Variants in KIRREL3 observed in about 807,000 individuals in gnomAD.
KIRREL3 encodes kirre like nephrin family adhesion molecule 3, also known as kin of IRRE-like protein 3.
A neutral mutation model predicts 89.7 loss-of-function variants in KIRREL3; 36 were observed. The ratio of observed to expected loss-of-function variants is 0.40; its 90% CI spans 0.31 to 0.53. The LOEUF is 0.53. KIRREL3 is among the 20% of genes least tolerant of loss of function. The pLI is 0.49. For synonymous variants in KIRREL3, 445 were observed against 441.4 expected (o/e 1.01, Z -0.10); for missense variants, 864 against 1,056.6 (o/e 0.82, Z 2.53).
chr11:126,655,166 G>T lies in KIRREL3; in HGVS notation c.56-92254C>A, dbSNP rs748317730. 6.6e-6 allele frequency among the ~76,000 whole-genome samples: 1 copy of T among 152,238 alleles called. No homozygotes were observed. Among genetic ancestry groups the T allele is most frequent in the Non-Finnish European group, 1.5e-5 (1 of 68,040 alleles). On this transcript the variant is annotated intron_variant, in intron 1 of 16. Transcript: ENST00000525144. This position sits in a 1 kb window ranked among gnomAD's most constrained non-coding sequence, Gnocchi z 5.0. ...TTGTGAGATGGAGAAGAAAGTGCAG[G>T]GTTGGGGTACGGGGAAAGGGGTAAG...
chr11:126,988,284 C>A (rs559202993), intron 1 of KIRREL3, among the ~76,000 whole-genome samples: 1 of 152,176 alleles, frequency 6.6e-6, no homozygotes, highest in South Asian at 2.1e-4. Context: ...GTTGTGGAGG[C>A]AGAGAGCAGT....
chr11:126,827,313 G>A (rs1943451443), intron 1 of KIRREL3, among the ~76,000 whole-genome samples: 1 of 151,926 alleles, frequency 6.6e-6, no homozygotes, highest in Admixed American at 6.6e-5. Flanking sequence ...GAGTAGCTGG[G>A]GCTACAGGTG....
At chr11:126,483,161 A>G (rs1957267148) in intron 4 of KIRREL3, among the ~76,000 whole-genome samples, 1 of 152,228 alleles carries the variant, frequency 6.6e-6, no homozygotes, top group African/African-American at 2.4e-5. Context: ...AGGAACTCAA[A>G]GAGGAATGCA....
At chr11:126,925,131 T>C (rs1334107708) in intron 1 of KIRREL3, among the ~76,000 whole-genome samples, 5 of 144,478 alleles carry the variant, frequency 3.5e-5, no homozygotes, top group African/African-American at 1.3e-4. Context: ...CACAGGATTG[T>C]GCAAAGCCCT....
rs1591764146 is a variant in KIRREL3, at chr11:126,575,855, C to T, written c.56-12943G>A. On this transcript the variant is annotated intron_variant, in intron 1 of 16. Coordinates refer to ENST00000525144, the MANE Select transcript of KIRREL3 (RefSeq NM_032531.4). The surrounding 1 kb of genome is among the most constrained non-coding windows in gnomAD (Gnocchi z 7.0). Reference sequence around the variant, plus strand: ...CCTCTGTGTGTGGCCTTCTCCACCCCTACCCTTGCAGATGGGCATCCCCTC... The same window carrying T: ...CCTCTGTGTGTGGCCTTCTCCACCCTTACCCTTGCAGATGGGCATCCCCTC... Among the ~76,000 whole-genome samples, 1 of 152,316 alleles carries T rather than the reference C, an allele frequency of 6.6e-6. No individual in the cohort carries two copies. Among genetic ancestry groups the T allele is most frequent in the Non-Finnish European group, 1.5e-5 (1 of 68,028 alleles).
intron 1 of KIRREL3, among the ~76,000 whole-genome samples, chr11:126,895,470 G>T (rs1592301902): frequency 6.9e-6 from 1 of 145,172 alleles, no homozygotes; most frequent in African/African-American, 2.5e-5. Context: ...AAAAAAAAAA[G>T]GAAAAAAGAA....
At chr11:126,722,081 C>G (rs1247675170) in intron 1 of KIRREL3, among the ~76,000 whole-genome samples, 2 of 152,242 alleles carry the variant, frequency 1.3e-5, no homozygotes, top group African/African-American at 4.8e-5. Context: ...TGTCTTCTGT[C>G]TGTAACTCTA....
At chr11:126,549,026 G>A (rs933711784) in intron 2 of KIRREL3, among the ~76,000 whole-genome samples, 1 of 152,176 alleles carries the variant, frequency 6.6e-6, no homozygotes, top group Non-Finnish European at 1.5e-5. Flanking sequence ...GTTGTGTTTT[G>A]AGATCCTTTT....
At chr11:126,784,104 AC>A (rs1399766595) in intron 1 of KIRREL3, among the ~76,000 whole-genome samples, 5 of 152,248 alleles carry the variant, frequency 3.3e-5, no homozygotes, top group African/African-American at 1.2e-4. Context: ...AGAAGCCGTC[AC>A]AGCCACGTGG....
In KIRREL3 at chr11:126,513,801, AG is replaced by A. The variant is rs1199771615; in HGVS notation, c.433+7513del. Among the ~76,000 whole-genome samples, 1 of 152,194 alleles carries A rather than the reference AG, an allele frequency of 6.6e-6. No homozygotes were observed. The highest frequency in any genetic ancestry group is 2.4e-5 in the African/African-American group (1 of 41,438). On this transcript the variant is annotated intron_variant, in intron 4 of 16. Transcript: ENST00000525144. The surrounding 1 kb of genome is among the most constrained non-coding windows in gnomAD (Gnocchi z 5.9). Reference sequence around the variant, plus strand: ...TCAACTCAATGGCTGCAAGACCTCCAGGGAGACCTTCTATCTCATCTGGCCC... The same window carrying A: ...TCAACTCAATGGCTGCAAGACCTCCAGGAGACCTTCTATCTCATCTGGCCC...
At position 126,486,385 on chromosome 11, in the gene KIRREL3, C is replaced by G. The variant is rs1465730724; in HGVS notation, c.434-12919G>C. 1.3e-5 allele frequency among the ~76,000 whole-genome samples: 2 copies of G among 152,126 alleles called. No homozygotes were observed. Among genetic ancestry groups the G allele is most frequent in the African/African-American group, 4.8e-5 (2 of 41,418 alleles). On this transcript the variant is annotated intron_variant, in intron 4 of 16. Coordinates refer to ENST00000525144, the MANE Select transcript of KIRREL3 (RefSeq NM_032531.4). This position sits in a 1 kb window ranked among gnomAD's most constrained non-coding sequence, Gnocchi z 6.2. ...TGCTGGGTGGCTTACACTCACCCTCCCAGTCCTGCGGAGCGAGAGACTTTC... is the reference window on the plus strand; with the variant it reads ...TGCTGGGTGGCTTACACTCACCCTCGCAGTCCTGCGGAGCGAGAGACTTTC...
At chr11:126,658,005 C>A (rs970585960) in intron 1 of KIRREL3, among the ~76,000 whole-genome samples, 1 of 152,186 alleles carries the variant, frequency 6.6e-6, no homozygotes, top group African/African-American at 2.4e-5. Context: ...ATTGCCAAAG[C>A]CTGGGGCTGC....
At chr11:126,665,378 G>A (rs376363590) in intron 1 of KIRREL3, among the ~76,000 whole-genome samples, 1 of 152,154 alleles carries the variant, frequency 6.6e-6, no homozygotes, top group African/African-American at 2.4e-5. Flanking sequence ...TGTGTTTCAG[G>A]AGGCATTTTA....
At chr11:126,956,435 T>C (rs902404382) in intron 1 of KIRREL3, among the ~76,000 whole-genome samples, 3 of 152,182 alleles carry the variant, frequency 2.0e-5, no homozygotes, top group Admixed American at 6.5e-5. Flanking sequence ...ACATGTCTAG[T>C]CATTTTAATG....
At chr11:126,922,049 T>TCTTC (rs1336718163) in intron 1 of KIRREL3, among the ~76,000 whole-genome samples, 12 of 146,298 alleles carry the variant, frequency 8.2e-5, no homozygotes, top group Admixed American at 1.4e-4. Context: ...TATCTTCCTA[T>TCTTC]CTATCTATCC....
rs1459856393 is a variant in KIRREL3, at chr11:126,477,368, G to A, written c.434-3902C>T. On this transcript the variant is annotated intron_variant, in intron 4 of 16. Coordinates refer to ENST00000525144, the MANE Select transcript of KIRREL3 (RefSeq NM_032531.4). This position sits in a 1 kb window ranked among gnomAD's most constrained non-coding sequence, Gnocchi z 4.8. The stretch of plus-strand genomic sequence containing the variant: ...GGTACCCGTCCCTTTCCCTGTGTGT[G>A]GGAGGGAGCCCCCAAAAGCTTTCCC... 6.6e-6 allele frequency among the ~76,000 whole-genome samples: 1 copy of A among 152,192 alleles called. No homozygotes were observed. Among genetic ancestry groups the A allele is most frequent in the African/African-American group, 2.4e-5 (1 of 41,460 alleles).
Position 126,485,969 on chromosome 11 carries a change from T to C in KIRREL3, c.434-12503A>G, listed in dbSNP as rs925675301. On this transcript the variant is annotated intron_variant, in intron 4 of 16. Coordinates refer to ENST00000525144, the MANE Select transcript of KIRREL3 (RefSeq NM_032531.4). The surrounding 1 kb of genome is among the most constrained non-coding windows in gnomAD (Gnocchi z 5.8). ...GTGCTGTCAGGGTCAAAGTCAGCAG[T>C]GGCTTGGTTCGCTCCTTAAATTAGG... 1.2e-4 allele frequency among the ~76,000 whole-genome samples: 18 copies of C among 152,256 alleles called. No individual in the cohort carries two copies. Among genetic ancestry groups the C allele is most frequent in the African/African-American group, 4.3e-4 (18 of 41,466 alleles).
At chr11:126,854,324 T>G (rs1944441015) in intron 1 of KIRREL3, among the ~76,000 whole-genome samples, 1 of 152,206 alleles carries the variant, frequency 6.6e-6, no homozygotes, top group Non-Finnish European at 1.5e-5. Context: ...TTATGCAGTA[T>G]GAATATGCCA....
rs1939133060 is a variant in KIRREL3 at position 126,550,025 on chromosome 11, A to G, written c.133+12810T>C. On this transcript the variant is annotated intron_variant, in intron 2 of 16. Transcript: ENST00000525144. This position sits in a 1 kb window ranked among gnomAD's most constrained non-coding sequence, Gnocchi z 4.9. ...TTCTCCTTCTCTGTTTCCAATAGCT[A>G]CTTATTCATACCCGGTTACCGCAAC... 1 of 152,158 alleles carries G rather than the reference A, an allele frequency of 6.6e-6. No homozygotes were observed. Among genetic ancestry groups the G allele is most frequent in the Non-Finnish European group, 1.5e-5 (1 of 68,022 alleles). 9.4% of individuals were successfully genotyped at this position (152,158 alleles called of 1,614,324 possible).
Sources: gnomAD v4.1 joint callset for allele counts (sites outside exome capture counted in the v4.1 genomes callset) on GRCh38, gnomAD v4.1.1 for gene constraint, Gnocchi (gnomAD v3.1) non-coding constraint, MANE v1.5 for transcripts, NCBI Gene and HGNC (gene_info 2026-07-23, HGNC 2026-07-21) for gene names.